ENPEP: variants seen among roughly 807,000 people sequenced by gnomAD.
ENPEP encodes the protein AP-A.
Under a neutral mutation model 114.5 loss-of-function variants are expected in ENPEP, and 103 were observed. The ratio of observed to expected loss-of-function variants is 0.90; its 90% confidence interval spans 0.77 to 1.06. The LOEUF is 1.06. Among genes scored for constraint, ENPEP ranks in the 50% least tolerant of loss-of-function variants. The pLI, the probability that ENPEP is intolerant of heterozygous loss-of-function variation, is 0.00. For synonymous variants in ENPEP, 420 were observed against 422.0 expected (o/e 1.00, Z 0.06); for missense variants, 1,196 against 1,161.3 (o/e 1.03, Z -0.43).
rs1724130059 is a variant in ENPEP, at chr4:110,476,849, G to A, written c.435G>A (p.Pro145=). ...GGGAGACCAGGATCACCCGGCTCCCGGAGCTGAAGAGGCCCTCTGGGGACC... is the reference window on the plus strand; with the variant it reads ...GGGAGACCAGGATCACCCGGCTCCCAGAGCTGAAGAGGCCCTCTGGGGACC... The part of the protein sequence containing the change: ...HLRETRITRL[P]ELKRPSGDQV... Residue 145 remains proline (P), a synonymous_variant, in exon 1 of 20, where the codon CCG becomes CCA. Coordinates refer to ENST00000265162, the MANE Select transcript of ENPEP (RefSeq NM_001977.4). 6.2e-7 allele frequency: 1 copy of A among 1,614,096 alleles called. No individual in the cohort carries two copies. The highest frequency in any genetic ancestry group is 8.5e-7 in the Non-Finnish European group (1 of 1,180,010).
chr4:110,551,226 C>G (rs1727276475), intron 17 of ENPEP, among the ~76,000 whole-genome samples: 2 of 151,826 alleles, frequency 1.3e-5, no homozygotes, highest in Admixed American at 1.3e-4. Flanking sequence ...TTAGTAAGAA[C>G]CTTGTGAACT....
rs1727680939 is a variant in ENPEP, at chr4:110,561,550, A to C, written c.2866A>C (p.Ser956Arg). The C allele has an allele frequency of 1.9e-6, 3 of 1,613,046 alleles. No individual in the cohort carries two copies. The East Asian group carries it at 6.7e-5, about 36-fold the overall frequency. The part of the protein sequence containing the change: ...IREWFFNLLE[S>R]G ...AGAATGGTTTTTTAATTTACTTGAG[A>C]GTGGTTAATGTATTCAAATGTTAGA... Residue 956 changes from serine (S) to arginine (R), a missense_variant, in exon 20 of 20, where the codon AGT (serine) becomes CGT (arginine). Physicochemically the swap from Ser to Arg is moderately radical, Grantham distance 110 (BLOSUM62 -1). Coordinates refer to ENST00000265162, the MANE Select transcript of ENPEP (RefSeq NM_001977.4).
rs370218862 is a variant in ENPEP at position 110,488,676 on chromosome 4, A to C, written c.780A>C (p.Pro260=). The C allele has an allele frequency of 2.5e-6, 4 of 1,608,492 alleles. No homozygotes were observed. The African/African-American group carries it at 5.4e-5, about 22-fold the overall frequency. ...PKEYGALSNM[P]VAKEESVDDK... is the part of the protein sequence containing the mutation. ...AATACGGAGCACTTTCAAATATGCC[A>C]GTGGCGGTAAGTATTTTTTAAATGT... Residue 260 remains proline (P), a synonymous_variant, in exon 2 of 20, where the codon CCA becomes CCC. Coordinates refer to ENST00000265162, the MANE Select transcript of ENPEP (RefSeq NM_001977.4).
chr4:110,526,619 A>G, intron 10 of ENPEP, among the ~76,000 whole-genome samples: 1 of 152,304 alleles, frequency 6.6e-6, no homozygotes, highest in East Asian at 1.9e-4. Flanking sequence ...AAAGATTTTG[A>G]AAATAGTATG....
At chr4:110,549,686 A>G in intron 16 of ENPEP, 30 bp from the exon 17 acceptor site, 2 of 1,612,860 alleles carry the variant, frequency 1.2e-6, no homozygotes, top group Non-Finnish European at 1.7e-6. Context: ...AGAGTAGTTG[A>G]AATCTCTGAA....
chr4:110,536,530 A>T (rs1726634622), intron 11 of ENPEP, among the ~76,000 whole-genome samples: 1 of 152,228 alleles, frequency 6.6e-6, no homozygotes, highest in Admixed American at 6.5e-5. Context: ...TCCTGCAAGG[A>T]AGGCTAACAT....
chr4:110,518,201 T>G (rs1466334741), intron 8 of ENPEP, among the ~76,000 whole-genome samples: 1 of 152,204 alleles, frequency 6.6e-6, no homozygotes, highest in Admixed American at 6.5e-5. Flanking sequence ...TCTTTAAGGC[T>G]ATACATGTAC....
At chr4:110,537,339 T>C (rs1726676192) in intron 11 of ENPEP, among the ~76,000 whole-genome samples, 4 of 152,220 alleles carry the variant, frequency 2.6e-5, no homozygotes, top group Admixed American at 2.6e-4. Flanking sequence ...ATATTTTTAA[T>C]CCTTTTTTGT....
intron 10 of ENPEP, among the ~76,000 whole-genome samples, chr4:110,529,187 C>T (rs1297365399): frequency 6.6e-6 from 1 of 152,146 alleles, no homozygotes; most frequent in Non-Finnish European, 1.5e-5. Flanking sequence ...GGGCCTAGGT[C>T]ATCCAGACGC....
chr4:110,536,283 G>A (rs561562500), intron 11 of ENPEP, among the ~76,000 whole-genome samples: 28 of 152,116 alleles, frequency 1.8e-4, no homozygotes, highest in Non-Finnish European at 3.7e-4. Context: ...TCTTGTTCAT[G>A]CAACAGTCTA....
chr4:110,561,178 A>G (rs1286312244), intron 19 of ENPEP, among the ~76,000 whole-genome samples: 4 of 152,354 alleles, frequency 2.6e-5, no homozygotes, highest in Middle Eastern at 6.8e-3. Flanking sequence ...CCAAAATGTC[A>G]GAGCCTATTT....
chr4:110,544,432 T>C (rs1726973454), intron 13 of ENPEP, among the ~76,000 whole-genome samples: 1 of 152,038 alleles, frequency 6.6e-6, no homozygotes, highest in Non-Finnish European at 1.5e-5. Context: ...TAATAGAAAA[T>C]ATGATGTTCT....
chr4:110,533,340 C>A (rs2110376691), intron 11 of ENPEP: 1 of 161,112 alleles, frequency 6.2e-6, no homozygotes, highest in Non-Finnish European at 1.4e-5. Context: ...AAATTTAATC[C>A]TTAATTACTA....
At chr4:110,540,863 C>G (rs905418807) in intron 11 of ENPEP, among the ~76,000 whole-genome samples, 1 of 152,130 alleles carries the variant, frequency 6.6e-6, no homozygotes, top group Non-Finnish European at 1.5e-5. Context: ...TTAATCTTCA[C>G]AACAGCCCTG....
At chr4:110,537,531 T>C (rs1726683251) in intron 11 of ENPEP, among the ~76,000 whole-genome samples, 1 of 152,234 alleles carries the variant, frequency 6.6e-6, no homozygotes. Context: ...TTCACCACTC[T>C]GCAGTTACAT....
chr4:110,495,319 AGTT>A (rs1272281007), intron 3 of ENPEP, among the ~76,000 whole-genome samples: 2 of 152,218 alleles, frequency 1.3e-5, no homozygotes, highest in South Asian at 2.1e-4. Context: ...AATCATTTGA[AGTT>A]GTTAGGTTTG....
At chr4:110,545,035 C>T (rs1477385098) in intron 13 of ENPEP, among the ~76,000 whole-genome samples, 10 of 151,996 alleles carry the variant, frequency 6.6e-5, no homozygotes, top group East Asian at 3.9e-4. Context: ...ACAGATTCAA[C>T]GAGCATTGGT....
At chr4:110,543,158 A>G in intron 13 of ENPEP, 88 bp downstream of exon 13, 1 of 1,239,540 alleles carries the variant, frequency 8.1e-7, no homozygotes, top group Non-Finnish European at 1.2e-6. Flanking sequence ...TGCAGTATTA[A>G]TCAATTTTAG....
intron 10 of ENPEP, among the ~76,000 whole-genome samples, chr4:110,521,493 CTCTT>C (rs1480589810): frequency 2.0e-5 from 3 of 152,014 alleles, no homozygotes; most frequent in African/African-American, 7.2e-5. Flanking sequence ...ATCAATTTAA[CTCTT>C]TCTTAAATAT....
Sources: allele counts gnomAD v4.1 joint callset (sites outside exome capture counted in the v4.1 genomes callset), GRCh38; gene constraint gnomAD v4.1.1; transcripts MANE v1.5; gene names NCBI Gene and HGNC (gene_info 2026-07-23, HGNC 2026-07-21).